The following NRIP1 variants were observed in gnomAD, a reference collection of about 807,000 sequenced individuals.
NRIP1 encodes the protein nuclear receptor interacting protein 1.
NRIP1 carries 28 observed loss-of-function variants against 75.0 expected under a neutral mutation model. The observed-to-expected ratio is 0.37, with a 90% CI of 0.28 to 0.51. NRIP1 has a LOEUF of 0.51. Ranked by LOEUF, NRIP1 falls within the 20% of genes least tolerant of loss-of-function variation. The probability of loss-of-function intolerance (pLI) is 0.92; values close to 1 mark genes in which losing one functional copy is unlikely to be tolerated. For synonymous variants in NRIP1, 526 were observed against 487.6 expected (o/e 1.08, Z -1.04); for missense variants, 1,435 against 1,343.7 (o/e 1.07, Z -1.06).
chr21:15,004,224 C>A (rs746989748), intron 3 of NRIP1, among the ~76,000 whole-genome samples: 5 of 152,160 alleles, frequency 3.3e-5, no homozygotes, highest in African/African-American at 1.2e-4. Flanking sequence ...TCCAAAATAT[C>A]AGTTTAAATC....
At chr21:14,984,368 T>TA (rs957134349) in intron 3 of NRIP1, among the ~76,000 whole-genome samples, 2 of 84,806 alleles carry the variant, frequency 2.4e-5, no homozygotes, top group African/African-American at 4.6e-5. Flanking sequence ...TTGTTGCGGG[T>TA]TTTTTTTTTT....
intron 2 of NRIP1, among the ~76,000 whole-genome samples, chr21:15,020,110 A>G (rs1349890189): frequency 1.3e-5 from 2 of 152,188 alleles, no homozygotes; most frequent in Non-Finnish European, 2.9e-5. Context: ...AATTGGTCCT[A>G]AAATATATAT....
At chr21:14,974,201 T>C (rs1025263483) in intron 3 of NRIP1, 28 of 152,280 alleles carry the variant, frequency 1.8e-4, no homozygotes, top group African/African-American at 6.7e-4. Context: ...TTCCCTGTTT[T>C]CCTGGTTTTG....
Position 14,964,915 on chromosome 21 carries a change from GCCTC to G in NRIP1, c.3274_3277del (p.Glu1092LeufsTer29). ...CTGTGAGACACTTTCAGCAGATGAA[GCCTC>G]CCTCCAAATGTCCTTGTCTTGTGTT... On this transcript the variant is annotated frameshift_variant, in exon 4 of 4. Coordinates refer to ENST00000318948, the MANE Select transcript of NRIP1 (RefSeq NM_003489.4). LOFTEE classifies it high-confidence loss of function. 1 of 1,613,484 alleles carries G rather than the reference GCCTC, an allele frequency of 6.2e-7. No homozygotes were observed. Among genetic ancestry groups the G allele is most frequent in the South Asian group, 1.1e-5 (1 of 90,972 alleles).
chr21:15,031,087 GCGC>G (rs2088667228), intron 2 of NRIP1, among the ~76,000 whole-genome samples: 1 of 47,208 alleles, frequency 2.1e-5, no homozygotes, highest in East Asian at 1.1e-3. Flanking sequence ...ACTCTGGAAG[GCGC>G]TCGGAGGATC....
At position 14,965,131 on chromosome 21, in the gene NRIP1, G is replaced by T. The variant is rs750434821; in HGVS notation, c.3062C>A (p.Ala1021Glu). Residue 1021 changes from alanine (A) to glutamate (E), a missense_variant, in exon 4 of 4, where the codon GCA (alanine) becomes GAA (glutamate). Coordinates refer to ENST00000318948, the MANE Select transcript of NRIP1 (RefSeq NM_003489.4). The part of the protein sequence containing the change: ...SPTFPEHLGC[A>E]GSRPESGLLN... The stretch of plus-strand genomic sequence containing the variant: ...AAGCCCAGATTCTGGTCTAGACCCT[G>T]CACAGCCCAAGTGCTCAGGGAAAGT... 3.1e-6 allele frequency: 5 copies of T among 1,612,872 alleles called. No homozygotes were observed. The highest frequency in any genetic ancestry group is 3.3e-5 in the Admixed American group (2 of 59,914).
intron 1 of NRIP1, among the ~76,000 whole-genome samples, chr21:15,048,884 C>T (rs1305186436): frequency 6.6e-6 from 1 of 152,158 alleles, no homozygotes; most frequent in Non-Finnish European, 1.5e-5. Flanking sequence ...AGCACCTTTT[C>T]CATCCTTCAT....
rs771615144 is a variant in NRIP1 at position 14,963,117 on chromosome 21, C to A, written c.*1599G>T. On this transcript the variant is annotated 3_prime_UTR_variant, in exon 4 of 4. Transcript: ENST00000318948. ...CATCACTACTTTAAAGTAAAAGATC[C>A]AATGGAGTGATTGTGTACAATTCTG... 2.0e-5 allele frequency: 3 copies of A among 152,204 alleles called. No individual in the cohort carries two copies. The highest frequency in any genetic ancestry group is 6.6e-5 in the Admixed American group (1 of 15,242). 9.4% of individuals were successfully genotyped at this position (152,204 alleles called of 1,614,324 possible). A position where few individuals can be genotyped will look rare whatever the true frequency, so the allele number is the denominator to read the frequency against.
intron 1 of NRIP1, among the ~76,000 whole-genome samples, chr21:15,057,681 A>C (rs1039328381): frequency 5.9e-5 from 9 of 152,210 alleles, no homozygotes; most frequent in Non-Finnish European, 1.2e-4. Flanking sequence ...TTTTCTTCAA[A>C]CAATGGCATA....
chr21:15,020,392 G>A (rs916979245), intron 2 of NRIP1, among the ~76,000 whole-genome samples: 24 of 152,068 alleles, frequency 1.6e-4, no homozygotes, highest in African/African-American at 5.1e-4. Context: ...ATCCATATGT[G>A]AAAATAAATA....
rs148009661 is a variant in NRIP1, at chr21:14,965,819, C to T, written c.2374G>A (p.Ala792Thr). ...TCTTCGGACACTGGTAAGGCAGGTG[C>T]GCTTCTCTGCACAGCAGGAGCCATA... ...LGMAPAVQRS[A>T]PALPVSEDFK... is the part of the protein sequence containing the mutation. The change falls in exon 4 of 4, where the codon GCA (alanine) becomes ACA (threonine). Residue 792 changes from alanine (A) to threonine (T), a missense_variant. Transcript: ENST00000318948. 226 of 1,613,894 alleles carry T rather than the reference C, an allele frequency of 1.4e-4. 1 individual carries two copies. In the African/African-American group the frequency reaches 1.8e-3, roughly 13 times the overall value.
chr21:14,982,698 GTTTTTTTTT>G (rs1413145074), intron 3 of NRIP1, among the ~76,000 whole-genome samples: 2 of 76,300 alleles, frequency 2.6e-5, no homozygotes, highest in African/African-American at 1.2e-4. Context: ...TTATTGTGGG[GTTTTTTTTT>G]GTTTTTTTTT....
rs1432369919 is a variant in NRIP1, at chr21:14,961,995, A to AATATATATATATATACATATTAT, written c.*2698_*2720dup. The AATATATATATATATACATATTAT allele has an allele frequency of 8.1e-6, 1 of 122,928 alleles. No individual in the cohort carries two copies. Among genetic ancestry groups the AATATATATATATATACATATTAT allele is most frequent in the Non-Finnish European group, 1.6e-5 (1 of 61,426 alleles). The allele number at this position is 122,928 out of a possible 1,614,324, so 7.6% of individuals were successfully genotyped here. A position where few individuals can be genotyped will look rare whatever the true frequency, so the allele number is the denominator to read the frequency against. ...TTTTAACATCTTCATGTAACAAGTC[A>AATATATATATATATACATATTAT]ATATATATATATATACATATTATAT... On this transcript the variant is annotated 3_prime_UTR_variant, in exon 4 of 4. Transcript: ENST00000318948.
At chr21:14,970,094 C>T (rs1165541621) in intron 3 of NRIP1, among the ~76,000 whole-genome samples, 4 of 152,192 alleles carry the variant, frequency 2.6e-5, no homozygotes, top group Non-Finnish European at 5.9e-5. Flanking sequence ...CCCAGCTAAA[C>T]ACTACTTTTC....
Position 15,047,975 on chromosome 21 carries a change from T to C in NRIP1, c.-537-4401A>G, listed in dbSNP as rs578088239. ...TACTTAGCCATTATAGGGTTATTAATTGGCCTAATTTCAATATTGTTGTGT... is the reference window on the plus strand; with the variant it reads ...TACTTAGCCATTATAGGGTTATTAACTGGCCTAATTTCAATATTGTTGTGT... On this transcript the variant is annotated intron_variant, in intron 1 of 3. Transcript: ENST00000318948. Among the ~76,000 whole-genome samples, 17 of 152,300 alleles carry C rather than the reference T, an allele frequency of 1.1e-4. No individual in the cohort carries two copies. In the South Asian group the frequency reaches 3.3e-3, roughly 30 times the overall value.
chr21:15,035,415 A>G (rs2088808986), intron 2 of NRIP1, among the ~76,000 whole-genome samples: 9 of 152,114 alleles, frequency 5.9e-5, no homozygotes. Flanking sequence ...ATTTCATACA[A>G]TGTTGCTATA....
chr21:15,044,849 CCT>C (rs2089035654), intron 1 of NRIP1, among the ~76,000 whole-genome samples: 1 of 152,130 alleles, frequency 6.6e-6, no homozygotes, highest in African/African-American at 2.4e-5. Context: ...TGTTATTCTC[CCT>C]GTGTCTGTGA....
At chr21:14,995,769 G>A (rs1484639924) in intron 3 of NRIP1, among the ~76,000 whole-genome samples, 1 of 144,672 alleles carries the variant, frequency 6.9e-6, no homozygotes, top group African/African-American at 2.5e-5. Context: ...GTGTGTGCGT[G>A]TGTGTGTGTG....
chr21:14,998,374 T>A (rs2087779364), intron 3 of NRIP1, among the ~76,000 whole-genome samples: 1 of 152,214 alleles, frequency 6.6e-6, no homozygotes, highest in South Asian at 2.1e-4. Context: ...TTGAATTTCT[T>A]GAAAAGTCAG....
Sources: gnomAD v4.1 joint callset for allele counts (sites outside exome capture counted in the v4.1 genomes callset) on GRCh38, gnomAD v4.1.1 for gene constraint, MANE v1.5 for transcripts, NCBI Gene and HGNC (gene_info 2026-07-23, HGNC 2026-07-21) for gene names.